Variants in PATJ observed in about 807,000 individuals in gnomAD.
PATJ encodes PATJ crumbs cell polarity complex component.
A neutral mutation model predicts 224.9 loss-of-function variants in PATJ; 190 were observed. The observed-to-expected ratio is 0.84, with a 90% CI of 0.75 to 0.95. The LOEUF is 0.95. PATJ is among the 40% of genes least tolerant of loss of function. The pLI is 0.00. For synonymous variants in PATJ, 769 were observed against 820.3 expected (o/e 0.94, Z 1.07); for missense variants, 2,121 against 2,270.3 (o/e 0.93, Z 1.34).
chr1:61,925,716 A>T (rs1212515824), intron 26 of PATJ, among the ~76,000 whole-genome samples: 2 of 152,218 alleles, frequency 1.3e-5, no homozygotes, highest in African/African-American at 2.4e-5. Flanking sequence ...TAAAAACATG[A>T]CTGAAAATTA....
intron 32 of PATJ, among the ~76,000 whole-genome samples, chr1:62,081,114 C>G (rs796404286): frequency 2.0e-5 from 3 of 152,068 alleles, no homozygotes; most frequent in Non-Finnish European, 4.4e-5. Flanking sequence ...CTGTAATGCC[C>G]TATTAAAATA....
intron 14 of PATJ, among the ~76,000 whole-genome samples, chr1:61,813,266 C>T (rs568004894): frequency 1.5e-4 from 22 of 149,862 alleles, no homozygotes; most frequent in Admixed American, 4.0e-4. Flanking sequence ...CTTTCTCACT[C>T]TCACTCCTTA....
At chr1:62,061,340 C>A (rs1655400614) in intron 31 of PATJ, among the ~76,000 whole-genome samples, 1 of 151,682 alleles carries the variant, frequency 6.6e-6, no homozygotes, top group Non-Finnish European at 1.5e-5. Flanking sequence ...CGCCCCCACG[C>A]CCAGCTAATT....
At chr1:61,913,322 C>T in intron 25 of PATJ, among the ~76,000 whole-genome samples, 1 of 152,104 alleles carries the variant, frequency 6.6e-6, no homozygotes, top group East Asian at 1.9e-4. Flanking sequence ...GTAGCCTCGA[C>T]CTCAGCCCCA....
rs1411888364 is a variant in PATJ at position 61,823,090 on chromosome 1, T to C, written c.1818+11T>C. The C allele has an allele frequency of 8.7e-6, 14 of 1,613,510 alleles. No homozygotes were observed. The highest frequency in any genetic ancestry group is 1.2e-5 in the Non-Finnish European group (14 of 1,179,798). On this transcript the variant is annotated intron_variant, in intron 15 of 43. Transcript: ENST00000642238. ...GATGAGCTGCTTGAGGTAAAATTTA[T>C]GGGGAAAGAAAGACACAGGCAAGAA...
At chr1:61,992,082 C>T (rs1281062871) in intron 28 of PATJ, among the ~76,000 whole-genome samples, 1 of 150,620 alleles carries the variant, frequency 6.6e-6, no homozygotes, top group Admixed American at 6.6e-5. Flanking sequence ...ACCCGTGTTA[C>T]AGCCACTAAA....
intron 1 of PATJ, among the ~76,000 whole-genome samples, chr1:61,753,191 TGA>T (rs1467667204): frequency 6.6e-6 from 1 of 152,156 alleles, no homozygotes; most frequent in Non-Finnish European, 1.5e-5. Context: ...TCTTTGCACT[TGA>T]TATTGATAAG....
rs533718412 is a variant in PATJ at position 62,031,619 on chromosome 1, G to A, written c.3960-6358G>A. On this transcript the variant is annotated intron_variant, in intron 29 of 43. Coordinates refer to ENST00000642238, the MANE Select transcript of PATJ (RefSeq NM_001350145.3). The stretch of plus-strand genomic sequence containing the variant: ...GACTCACCTAGGGATTTTAACTTGC[G>A]TATATGAGAGAAGGAGACATCTGTG... 1.4e-4 allele frequency among the ~76,000 whole-genome samples: 22 copies of A among 152,240 alleles called. No homozygotes were observed. The East Asian group carries it at 1.5e-3, about 11-fold the overall frequency.
chr1:61,974,904 A>G lies in PATJ; in HGVS notation c.3671-15264A>G, dbSNP rs142835430. 1.7e-3 allele frequency among the ~76,000 whole-genome samples: 256 copies of G among 151,978 alleles called. 7 individuals are homozygous for G. Among genetic ancestry groups the G allele is most frequent in the African/African-American group, 5.9e-3 (246 of 41,370 alleles). ...TCTGGACTAGTTTCCTTCCATCTCC[A>G]AACTAAGTGTGATTTCACTGTTGGT... On this transcript the variant is annotated intron_variant, in intron 27 of 43. Coordinates refer to ENST00000642238, the MANE Select transcript of PATJ (RefSeq NM_001350145.3).
chr1:61,893,197 T>C (rs1177796688), intron 22 of PATJ, among the ~76,000 whole-genome samples: 1 of 152,204 alleles, frequency 6.6e-6, no homozygotes, highest in African/African-American at 2.4e-5. Context: ...ACAAGTTTTA[T>C]CTCTCGTTAG....
intron 3 of PATJ, among the ~76,000 whole-genome samples, chr1:61,764,938 C>G (rs2148310643): frequency 6.6e-6 from 1 of 152,112 alleles, no homozygotes; most frequent in South Asian, 2.1e-4. Context: ...CTACCCTATC[C>G]TAATAACAAT....
At position 62,121,211 on chromosome 1, in the gene PATJ, C is replaced by T. The variant is rs1340247975; in HGVS notation, c.4921C>T (p.His1641Tyr). Residue 1641 changes from histidine to tyrosine, a missense_variant, in exon 38 of 44, where the codon CAT (histidine) becomes TAT (tyrosine). Transcript: ENST00000642238. ...GSQQSAHSSC[H>Y]PSFAPVITGL... ...TCAGCAGAGTGCACACAGCAGCTGTCATCCCTCCTTCGCTCCTGTCATCAC... is the reference window on the plus strand; with the variant it reads ...TCAGCAGAGTGCACACAGCAGCTGTTATCCCTCCTTCGCTCCTGTCATCAC... 1 of 1,613,934 alleles carries T rather than the reference C, an allele frequency of 6.2e-7. No individual in the cohort carries two copies. The highest frequency in any genetic ancestry group is 1.1e-5 in the South Asian group (1 of 91,066).
rs1327495961 is a variant in PATJ at position 62,042,917 on chromosome 1, G to C, written c.4032+4868G>C. 5.3e-5 allele frequency among the ~76,000 whole-genome samples: 8 copies of C among 152,316 alleles called. No individual in the cohort carries two copies. In the East Asian group the frequency reaches 1.5e-3, roughly 29 times the overall value. ...TCACCTCAGCCTCCCAAAGTGCTGG[G>C]ATTACAGGTGTGAGCTACCGAGCCT... On this transcript the variant is annotated intron_variant, in intron 30 of 43. Transcript: ENST00000642238.
intron 32 of PATJ, among the ~76,000 whole-genome samples, chr1:62,083,395 G>T (rs1659535128): frequency 6.6e-6 from 1 of 152,228 alleles, no homozygotes; most frequent in Admixed American, 6.5e-5. Context: ...CTCACAAAGT[G>T]CTGGGATTAC....
At chr1:61,917,565 G>A (rs1184487330) in intron 26 of PATJ, among the ~76,000 whole-genome samples, 1 of 152,080 alleles carries the variant, frequency 6.6e-6, no homozygotes, top group Non-Finnish European at 1.5e-5. Context: ...TTACTGGAAT[G>A]CAATTTATTT....
chr1:61,912,383 C>A (rs1672787856), intron 25 of PATJ, among the ~76,000 whole-genome samples: 1 of 151,980 alleles, frequency 6.6e-6, no homozygotes, highest in African/African-American at 2.4e-5. Context: ...CACTTGAGGT[C>A]TGGAGTTGGA....
chr1:62,049,822 C>T (rs1653251452), intron 30 of PATJ, among the ~76,000 whole-genome samples: 1 of 152,030 alleles, frequency 6.6e-6, no homozygotes, highest in Admixed American at 6.6e-5. Context: ...AGGTGGTTTC[C>T]ACGTGCCAGG....
intron 1 of PATJ, among the ~76,000 whole-genome samples, chr1:61,751,243 C>T (rs1246439305): frequency 1.3e-5 from 2 of 151,938 alleles, no homozygotes; most frequent in Non-Finnish European, 2.9e-5. Flanking sequence ...CTCAAGTGAT[C>T]CGTCTCCTTG....
At chr1:61,795,391 A>C in intron 9 of PATJ, 76 bp from the exon 10 acceptor site, 1 of 745,844 alleles carries the variant, frequency 1.3e-6, no homozygotes, top group Non-Finnish European at 2.3e-6. Context: ...TAGCTAATTA[A>C]CCTCTTGATA....
Sources: gnomAD v4.1 joint callset for allele counts (sites outside exome capture counted in the v4.1 genomes callset) on GRCh38, gnomAD v4.1.1 for gene constraint, MANE v1.5 for transcripts, NCBI Gene and HGNC (gene_info 2026-07-23, HGNC 2026-07-21) for gene names.